TOP3B: variants seen among roughly 807,000 people sequenced by gnomAD.
TOP3B encodes DNA topoisomerase III beta, also known as DNA topoisomerase 3-beta-1.
In TOP3B, 45 loss-of-function variants were observed where a neutral mutation model predicts 93.9. That is an observed-to-expected ratio of 0.48 (90% confidence interval 0.38 to 0.61). TOP3B has a LOEUF of 0.61. TOP3B is among the 20% of genes least tolerant of loss of function. The pLI, the probability that TOP3B is intolerant of heterozygous loss-of-function variation, is 0.00. For synonymous variants in TOP3B, 357 were observed against 472.6 expected, an observed-to-expected ratio of 0.76 and a Z score of 3.17; for missense variants, 750 against 1,156.1, an observed-to-expected ratio of 0.65 and a Z score of 5.09.
chr22:21,969,091 G>T, intron 6 of TOP3B: 1 of 258,504 alleles, frequency 3.9e-6, no homozygotes, highest in Non-Finnish European at 7.4e-6. Context: ...TTATCAAGCA[G>T]GGCATATGTG....
chr22:21,969,957 A>C, intron 6 of TOP3B: 1 of 250,824 alleles, frequency 4.0e-6, no homozygotes, highest in Non-Finnish European at 7.2e-6. Flanking sequence ...TTTTGTAGAG[A>C]TGGGGTCTTG....
intron 1 of TOP3B, 83 bp from the exon 2 acceptor site, chr22:21,975,890 A>G (rs1569158170): frequency 4.1e-6 from 4 of 982,212 alleles, no homozygotes; most frequent in Non-Finnish European, 2.6e-6. Flanking sequence ...TTAACAAAGA[A>G]AAAACAAGAC....
intron 1 of TOP3B, among the ~76,000 whole-genome samples, chr22:21,978,670 G>C (rs1294272334): frequency 6.6e-6 from 1 of 152,122 alleles, no homozygotes; most frequent in Non-Finnish European, 1.5e-5. Flanking sequence ...CACCATGTGG[G>C]GGACACTGAC....
At chr22:21,974,631 C>A in intron 2 of TOP3B, 143 bp from the exon 3 acceptor site, 5 of 938,350 alleles carry the variant, frequency 5.3e-6, no homozygotes, top group Non-Finnish European at 7.8e-6. Flanking sequence ...CAGACTGGTG[C>A]GGGTAGTTGG....
Position 21,965,315 on chromosome 22 carries a change from CCA to C in TOP3B, c.911_912del (p.Val304GlyfsTer22). ...AKQRPLALNT[V>X]EMLRVASSSL... The stretch of plus-strand genomic sequence containing the variant: ...GAAGAGCTGGCCACACGCAGCATCT[CCA>C]CAGTGTTCAGGGCCAGGGGCCTCTG... On this transcript the variant is annotated frameshift_variant, in exon 9 of 18. Transcript: ENST00000357179. LOFTEE classifies it high-confidence loss of function. The C allele has an allele frequency of 2.5e-6, 4 of 1,608,008 alleles. No individual in the cohort carries two copies. The highest frequency in any genetic ancestry group is 1.7e-4 in the Middle Eastern group (1 of 6,044).
intron 1 of TOP3B, among the ~76,000 whole-genome samples, chr22:21,980,675 G>A (rs1439279448): frequency 6.6e-6 from 1 of 152,252 alleles, no homozygotes; most frequent in Non-Finnish European, 1.5e-5. Context: ...TCTGGCCCAT[G>A]ACAGCTCCAG....
chr22:21,960,283 G>A (rs1321613590), intron 14 of TOP3B, 38 bp downstream of exon 14: 2 of 1,612,126 alleles, frequency 1.2e-6, no homozygotes, highest in Non-Finnish European at 1.7e-6. Flanking sequence ...AAGCCAGGGA[G>A]CCTCGGTGGG....
chr22:21,958,424 C>T (rs758221997), intron 17 of TOP3B, 68 bp downstream of exon 17: 24 of 1,608,278 alleles, frequency 1.5e-5, no homozygotes, highest in Admixed American at 3.3e-5. Flanking sequence ...CAGCCTGGTG[C>T]AAGGCAGGGG....
At position 21,970,094 on chromosome 22, in the gene TOP3B, T is replaced by C. The variant is rs879310262; in HGVS notation, c.581+116A>G. The C allele has an allele frequency of 1.8e-5, 21 of 1,170,086 alleles. No individual in the cohort carries two copies. In the Admixed American group the frequency reaches 4.0e-4, roughly 22 times the overall value. 72.5% of individuals were successfully genotyped at this position (1,170,086 alleles called of 1,614,324 possible). A position where few individuals can be genotyped will look rare whatever the true frequency, so the allele number is the denominator to read the frequency against. On this transcript the variant is annotated intron_variant, in intron 6 of 17. Transcript: ENST00000357179. This position sits in a 1 kb window ranked among gnomAD's most constrained non-coding sequence, Gnocchi z 4.4. ...CTTCTTCAGGGTTGGTGAAATCCCCTGTTGCTCATCCTGGCTCGAGGAGGC... is the reference window on the plus strand; with the variant it reads ...CTTCTTCAGGGTTGGTGAAATCCCCCGTTGCTCATCCTGGCTCGAGGAGGC...
intron 3 of TOP3B, 151 bp downstream of exon 3, chr22:21,974,206 C>T: frequency 5.1e-6 from 5 of 981,888 alleles, no homozygotes; most frequent in Non-Finnish European, 7.2e-6. Context: ...GCACCAGGGA[C>T]CCTCTCATTG....
At chr22:21,974,146 G>T in intron 3 of TOP3B, 1 of 498,418 alleles carries the variant, frequency 2.0e-6, no homozygotes, top group Non-Finnish European at 3.5e-6. Flanking sequence ...AAGGGGTGCC[G>T]CTATGATGGG....
chr22:21,965,201 C>G, intron 9 of TOP3B, 84 bp downstream of exon 9: 1 of 949,002 alleles, frequency 1.1e-6, no homozygotes, highest in Non-Finnish European at 1.5e-6. Context: ...TGGGCACCAT[C>G]CTGCAACCCT....
At chr22:21,962,209 C>G (rs2071213629) in intron 13 of TOP3B, 2 of 1,482,640 alleles carry the variant, frequency 1.3e-6, no homozygotes, top group African/African-American at 1.4e-5. Flanking sequence ...ACATCTGGGC[C>G]TTCACAGGGA....
intron 1 of TOP3B, among the ~76,000 whole-genome samples, chr22:21,977,939 G>A (rs2071948236): frequency 6.6e-6 from 1 of 152,076 alleles, no homozygotes; most frequent in South Asian, 2.1e-4. Flanking sequence ...GGGCAGGGCT[G>A]GGTGACACCT....
At chr22:21,975,535 C>T (rs976644076) in intron 2 of TOP3B, 105 bp downstream of exon 2, 41 of 1,334,552 alleles carry the variant, frequency 3.1e-5, no homozygotes, top group Middle Eastern at 4.2e-4. Context: ...CCTGCCGACC[C>T]GAACCAAATC....
rs146586220 is a variant in TOP3B, at chr22:21,972,926, C to T, written c.203-208G>A. 1,171 of 563,900 alleles carry T rather than the reference C, an allele frequency of 2.1e-3. 13 individuals carry two copies. Among genetic ancestry groups the T allele is most frequent in the African/African-American group, 0.021 (1,070 of 51,702 alleles). 34.9% of individuals were successfully genotyped at this position (563,900 alleles called of 1,614,324 possible). A position where few individuals can be genotyped will look rare whatever the true frequency, so the allele number is the denominator to read the frequency against. ...CCTCCCATCCAGCCTCCTTTCTGCT[C>T]GGCTGCTGAGCGGACCCACCACACC... On this transcript the variant is annotated intron_variant, in intron 3 of 17. Coordinates refer to ENST00000357179, the MANE Select transcript of TOP3B (RefSeq NM_001282112.2).
chr22:21,970,840 G>T lies in TOP3B; in HGVS notation c.385-434C>A. The T allele has an allele frequency of 5.3e-6, 2 of 377,022 alleles. No homozygotes were observed. Among genetic ancestry groups the T allele is most frequent in the Non-Finnish European group, 8.6e-6 (2 of 232,586 alleles). The allele number at this position is 377,022 out of a possible 1,614,324, so 23.4% of individuals were successfully genotyped here. On this transcript the variant is annotated intron_variant, in intron 5 of 17. Transcript: ENST00000357179. The surrounding 1 kb of genome is among the most constrained non-coding windows in gnomAD (Gnocchi z 4.4). ...GGAGGGGTGGGTGGAAATTTTAAGAGGCTGAAGAAAAGACAGGGAAGGAAA... is the reference window on the plus strand; with the variant it reads ...GGAGGGGTGGGTGGAAATTTTAAGATGCTGAAGAAAAGACAGGGAAGGAAA...
Position 21,974,418 on chromosome 22 carries a change from G to A in TOP3B, c.141C>T (p.Gly47=). The A allele has an allele frequency of 4.3e-6, 7 of 1,614,172 alleles. No individual in the cohort carries two copies. The highest frequency in any genetic ancestry group is 5.9e-6 in the Non-Finnish European group (7 of 1,180,012). ...ACGTCATCTTGAAGCGCACTGGCTG[G>A]CCAGCAAAGGTCCCAGTGTACTCGT... The part of the protein sequence containing the change: ...SVHEYTGTFA[G]QPVRFKMTSV... Residue 47 remains glycine, a synonymous_variant, in exon 3 of 18, where the codon GGC becomes GGT. Coordinates refer to ENST00000357179, the MANE Select transcript of TOP3B (RefSeq NM_001282112.2).
In TOP3B at chr22:21,963,670, AC is replaced by A; in HGVS notation, c.1204+252del. The A allele has an allele frequency of 2.0e-6, 1 of 510,638 alleles. No individual in the cohort carries two copies. Among genetic ancestry groups the A allele is most frequent in the Non-Finnish European group, 3.5e-6 (1 of 285,484 alleles). The allele number at this position is 510,638 out of a possible 1,614,324, so 31.6% of individuals were successfully genotyped here. ...CCCCTCCCCCACACCGCCACTCTCT[AC>A]CCTGGTTTCATTCATGTCCCCTGTG... On this transcript the variant is annotated intron_variant, in intron 11 of 17. Coordinates refer to ENST00000357179, the MANE Select transcript of TOP3B (RefSeq NM_001282112.2). The surrounding 1 kb of genome is among the most constrained non-coding windows in gnomAD (Gnocchi z 4.8).
Sources: allele counts gnomAD v4.1 joint callset (sites outside exome capture counted in the v4.1 genomes callset), GRCh38; gene constraint gnomAD v4.1.1; non-coding constraint Gnocchi (gnomAD v3.1); transcripts MANE v1.5; gene names NCBI Gene and HGNC (gene_info 2026-07-23, HGNC 2026-07-21).